Variants in FSIP1 observed in about 807,000 individuals in gnomAD.
The protein encoded by FSIP1 is fibrous sheath interacting protein 1.
Under a neutral mutation model 60.9 loss-of-function variants are expected in FSIP1, and 65 were observed. That is an observed-to-expected ratio of 1.07 (90% CI 0.87 to 1.31). The LOEUF (loss-of-function observed/expected upper bound fraction) is 1.31, where lower values mean the gene tolerates loss of function less well. Among genes scored for constraint, FSIP1 ranks in the 40% most tolerant of loss-of-function variants. The pLI, the probability that FSIP1 is intolerant of heterozygous loss-of-function variation, is 0.00. For synonymous variants in FSIP1, 209 were observed against 221.2 expected, an observed-to-expected ratio of 0.94 and a Z score of 0.49; for missense variants, 675 against 665.5, an observed-to-expected ratio of 1.01 and a Z score of -0.16.
chr15:39,693,577 G>A (rs1894691369), intron 10 of FSIP1, among the ~76,000 whole-genome samples: 1 of 152,146 alleles, frequency 6.6e-6, no homozygotes, highest in South Asian at 2.1e-4. Context: ...TCTATTTAAG[G>A]TGGACTATAT....
intron 11 of FSIP1, among the ~76,000 whole-genome samples, chr15:39,601,306 A>G (rs1890631315): frequency 6.6e-6 from 1 of 152,252 alleles, no homozygotes; most frequent in Non-Finnish European, 1.5e-5. Context: ...CATTTCTTGA[A>G]GTGAGAAAAA....
chr15:39,774,113 C>G (rs1489248420), intron 2 of FSIP1, among the ~76,000 whole-genome samples: 1 of 152,034 alleles, frequency 6.6e-6, no homozygotes, highest in Non-Finnish European at 1.5e-5. Flanking sequence ...GAAATTCTCC[C>G]CAAATTAATC....
chr15:39,662,129 A>G (rs770790207), intron 10 of FSIP1, among the ~76,000 whole-genome samples: 1 of 152,100 alleles, frequency 6.6e-6, no homozygotes, highest in Non-Finnish European at 1.5e-5. Context: ...AACTGCTTTC[A>G]CCTCTCTTTC....
Position 39,617,307 on chromosome 15 carries a change from G to A in FSIP1, c.1699+428C>T, listed in dbSNP as rs565176212. 2.0e-5 allele frequency among the ~76,000 whole-genome samples: 3 copies of A among 152,292 alleles called. No homozygotes were observed. In the East Asian group the frequency reaches 5.8e-4, roughly 29 times the overall value. ...AGAACATAGGAGTGGCTCAGGAGAG[G>A]AGGTTTGCATACAGAAACTAATATA... On this transcript the variant is annotated intron_variant, in intron 11 of 11. Transcript: ENST00000350221.
chr15:39,774,573 T>C (rs75780414), intron 2 of FSIP1, among the ~76,000 whole-genome samples: 2,427 of 151,892 alleles, frequency 0.016, 85 homozygotes, highest in African/African-American at 0.055. Context: ...CAGATATCAG[T>C]AATTATTACA....
intron 11 of FSIP1, among the ~76,000 whole-genome samples, chr15:39,601,929 C>T (rs935388860): frequency 7.9e-5 from 12 of 151,888 alleles, no homozygotes; most frequent in Admixed American, 6.5e-4. Context: ...CAAAATGTTG[C>T]GTTGTCGGGG....
intron 10 of FSIP1, among the ~76,000 whole-genome samples, chr15:39,704,584 C>T (rs1895190445): frequency 6.6e-6 from 1 of 152,196 alleles, no homozygotes; most frequent in Non-Finnish European, 1.5e-5. Context: ...AGTTGGCCTT[C>T]TGATTATTTC....
intron 10 of FSIP1, among the ~76,000 whole-genome samples, chr15:39,711,845 C>T (rs932017204): frequency 5.9e-5 from 9 of 152,038 alleles, no homozygotes; most frequent in Admixed American, 3.9e-4. Context: ...CTGCCAAGCC[C>T]GGCTAATTTT....
chr15:39,633,979 AG>A (rs1416373741), intron 10 of FSIP1, among the ~76,000 whole-genome samples: 1 of 152,094 alleles, frequency 6.6e-6, no homozygotes, highest in Non-Finnish European at 1.5e-5. Context: ...TTCTTCCACA[AG>A]CTCCACCACC....
At chr15:39,693,978 ATATT>A (rs1894710824) in intron 10 of FSIP1, among the ~76,000 whole-genome samples, 2 of 152,236 alleles carry the variant, frequency 1.3e-5, no homozygotes, top group Admixed American at 1.3e-4. Context: ...TGATGGATAT[ATATT>A]TATCAGCTTG....
chr15:39,779,529 T>C (rs4924391), intron 1 of FSIP1, among the ~76,000 whole-genome samples: 2 of 152,170 alleles, frequency 1.3e-5, no homozygotes, highest in East Asian at 3.9e-4. Flanking sequence ...CCCTGAGCTA[T>C]ACGCTATTGG....
At chr15:39,680,506 G>A (rs1338266407) in intron 10 of FSIP1, among the ~76,000 whole-genome samples, 1 of 152,192 alleles carries the variant, frequency 6.6e-6, no homozygotes, top group Non-Finnish European at 1.5e-5. Context: ...TGGGATGTGA[G>A]TATACATATT....
chr15:39,658,047 T>C (rs1180012420), intron 10 of FSIP1, among the ~76,000 whole-genome samples: 1 of 152,182 alleles, frequency 6.6e-6, no homozygotes, highest in Non-Finnish European at 1.5e-5. Context: ...CTGTGTACTT[T>C]TAACATAAAA....
chr15:39,708,580 C>T (rs1333277586), intron 10 of FSIP1, among the ~76,000 whole-genome samples: 2 of 152,062 alleles, frequency 1.3e-5, no homozygotes, highest in African/African-American at 4.8e-5. Context: ...AAACCACTCC[C>T]CTTCCCTCCT....
chr15:39,631,969 C>T (rs990919897), intron 10 of FSIP1, among the ~76,000 whole-genome samples: 4 of 152,142 alleles, frequency 2.6e-5, no homozygotes, highest in African/African-American at 9.7e-5. Flanking sequence ...CCTTTGATTT[C>T]CAATGAGCTA....
chr15:39,618,366 GA>G, intron 10 of FSIP1, 121 bp from the exon 11 acceptor site: 1 of 743,076 alleles, frequency 1.3e-6, no homozygotes, highest in South Asian at 2.1e-5. Flanking sequence ...CATAAAAATA[GA>G]AAAATAATTC....
intron 10 of FSIP1, among the ~76,000 whole-genome samples, chr15:39,637,182 C>T (rs1892171131): frequency 6.6e-6 from 1 of 152,202 alleles, no homozygotes; most frequent in South Asian, 2.1e-4. Flanking sequence ...ATCCCAGCTT[C>T]CCCCAATTTT....
At chr15:39,607,573 C>T (rs953447196) in intron 11 of FSIP1, among the ~76,000 whole-genome samples, 1 of 152,200 alleles carries the variant, frequency 6.6e-6, no homozygotes, top group African/African-American at 2.4e-5. Flanking sequence ...AAAGCACAAA[C>T]ATTGATAATG....
intron 9 of FSIP1, among the ~76,000 whole-genome samples, chr15:39,725,805 C>A (rs550761995): frequency 6.9e-6 from 1 of 145,050 alleles, no homozygotes; most frequent in Non-Finnish European, 1.5e-5. Flanking sequence ...TTTTTTTTGA[C>A]AGAGAATCTC....
Sources: allele counts gnomAD v4.1 joint callset (sites outside exome capture counted in the v4.1 genomes callset), GRCh38; gene constraint gnomAD v4.1.1; transcripts MANE v1.5; gene names NCBI Gene and HGNC (gene_info 2026-07-23, HGNC 2026-07-21).